IGF2BP3: variants seen among roughly 807,000 people sequenced by gnomAD.
IGF2BP3 encodes insulin like growth factor 2 mRNA binding protein 3, also known as insulin-like growth factor 2 mRNA-binding protein 3.
A neutral mutation model predicts 73.8 loss-of-function variants in IGF2BP3; 9 were observed. That is an observed-to-expected ratio of 0.12 (90% CI 0.07 to 0.21). The LOEUF (loss-of-function observed/expected upper bound fraction) is 0.21, where lower values mean the gene tolerates loss of function less well. Among genes scored for constraint, IGF2BP3 ranks in the 10% least tolerant of loss-of-function variants. The pLI is 1.00. For synonymous variants in IGF2BP3, 258 were observed against 256.7 expected (o/e 1.01, Z -0.05); for missense variants, 542 against 714.0 (o/e 0.76, Z 2.75).
intron 2 of IGF2BP3, among the ~76,000 whole-genome samples, chr7:23,420,385 G>T (rs1787311463): frequency 6.6e-6 from 1 of 152,118 alleles, no homozygotes; most frequent in South Asian, 2.1e-4. Flanking sequence ...GACTGAGATG[G>T]AAGGATTGCT....
chr7:23,401,281 G>C (rs533355186), intron 3 of IGF2BP3, among the ~76,000 whole-genome samples: 1 of 152,164 alleles, frequency 6.6e-6, no homozygotes, highest in Non-Finnish European at 1.5e-5. Context: ...CAGAGGAACA[G>C]TTGCGGGCCC....
chr7:23,351,284 C>T lies in IGF2BP3; in HGVS notation c.683+21G>A, dbSNP rs777791269. ...CAAGGGGAATTCTCATGAACACCCA[C>T]CACACACTCAGCATACTCACTTAGA... On this transcript the variant is annotated intron_variant, in intron 6 of 14. Coordinates refer to ENST00000258729, the MANE Select transcript of IGF2BP3 (RefSeq NM_006547.3). 6 of 1,611,916 alleles carry T rather than the reference C, an allele frequency of 3.7e-6. No individual in the cohort carries two copies. The East Asian group carries it at 6.7e-5, about 18-fold the overall frequency.
chr7:23,421,458 TGAG>T (rs1787344818), intron 2 of IGF2BP3, among the ~76,000 whole-genome samples: 1 of 151,856 alleles, frequency 6.6e-6, no homozygotes, highest in Non-Finnish European at 1.5e-5. Context: ...TTTGGGAGGC[TGAG>T]GTGGGCGGAT....
chr7:23,376,415 A>C (rs1227345185), intron 3 of IGF2BP3, among the ~76,000 whole-genome samples: 2 of 151,696 alleles, frequency 1.3e-5, no homozygotes, highest in South Asian at 2.1e-4. Flanking sequence ...GGCACCTGTA[A>C]TCCCAGCTAC....
intron 3 of IGF2BP3, among the ~76,000 whole-genome samples, chr7:23,383,097 G>A (rs1785964267): frequency 6.6e-6 from 1 of 151,782 alleles, no homozygotes; most frequent in African/African-American, 2.4e-5. Context: ...CCTAAGCAAA[G>A]CCATGTGTGG....
At chr7:23,416,183 C>T (rs141646159) in intron 3 of IGF2BP3, 21 of 152,146 alleles carry the variant, frequency 1.4e-4, no homozygotes, top group African/African-American at 4.6e-4. Flanking sequence ...GGAGCTAGGA[C>T]ATAATTCCAA....
At chr7:23,368,857 A>T (rs1422869889) in intron 3 of IGF2BP3, among the ~76,000 whole-genome samples, 1 of 151,940 alleles carries the variant, frequency 6.6e-6, no homozygotes, top group Admixed American at 6.6e-5. Flanking sequence ...AGATGGCGCC[A>T]TTGCACTCCA....
At chr7:23,390,922 C>T (rs1340012118) in intron 3 of IGF2BP3, among the ~76,000 whole-genome samples, 1 of 151,452 alleles carries the variant, frequency 6.6e-6, no homozygotes, top group Non-Finnish European at 1.5e-5. Context: ...CCTCAGCCTC[C>T]TGAGTGGCTG....
intron 2 of IGF2BP3, among the ~76,000 whole-genome samples, chr7:23,446,646 T>C (rs116547496): frequency 0.016 from 2,435 of 152,240 alleles, 75 homozygotes; most frequent in African/African-American, 0.056. Context: ...GCAGTGACAG[T>C]TGCTGACAAG....
At chr7:23,423,383 G>A (rs1027342901) in intron 2 of IGF2BP3, among the ~76,000 whole-genome samples, 1 of 152,156 alleles carries the variant, frequency 6.6e-6, no homozygotes, top group African/African-American at 2.4e-5. Flanking sequence ...TTATATTTGG[G>A]TTTGATTCTA....
chr7:23,460,178 C>CA (rs757381858), intron 2 of IGF2BP3, among the ~76,000 whole-genome samples: 785 of 55,052 alleles, frequency 0.014, 10 homozygotes, highest in East Asian at 0.043. Context: ...GACCCTGCCT[C>CA]AAAAAAAAAA....
chr7:23,419,625 G>A (rs1178631233), intron 2 of IGF2BP3, among the ~76,000 whole-genome samples: 3 of 152,188 alleles, frequency 2.0e-5, no homozygotes, highest in African/African-American at 7.2e-5. Context: ...GCCAAGGCAG[G>A]TGGATCACTT....
At chr7:23,359,170 T>A (rs1785165021) in intron 5 of IGF2BP3, among the ~76,000 whole-genome samples, 1 of 152,254 alleles carries the variant, frequency 6.6e-6, no homozygotes, top group Non-Finnish European at 1.5e-5. Context: ...TGTGTCTACA[T>A]TCAGTTTGCT....
At chr7:23,351,023 CCTTT>C (rs1410747973) in intron 6 of IGF2BP3, among the ~76,000 whole-genome samples, 4 of 152,208 alleles carry the variant, frequency 2.6e-5, no homozygotes, top group Admixed American at 2.6e-4. Flanking sequence ...CTGGAAGCTG[CCTTT>C]CTGTCTTCCA....
chr7:23,344,360 C>T (rs1321833665), intron 8 of IGF2BP3, among the ~76,000 whole-genome samples: 1 of 152,188 alleles, frequency 6.6e-6, no homozygotes, highest in Non-Finnish European at 1.5e-5. Context: ...AAACACAAGC[C>T]AGAATTCCTG....
intron 2 of IGF2BP3, among the ~76,000 whole-genome samples, chr7:23,423,917 A>G (rs1456571748): frequency 6.6e-6 from 1 of 151,770 alleles, no homozygotes; most frequent in Admixed American, 6.6e-5. Context: ...CAGAAGTTCG[A>G]GACCAGCCTG....
chr7:23,313,177 T>C (rs772809229), intron 13 of IGF2BP3, among the ~76,000 whole-genome samples: 2 of 152,234 alleles, frequency 1.3e-5, no homozygotes, highest in African/African-American at 4.8e-5. Flanking sequence ...TAGAAACAGT[T>C]TGCTTTTTTT....
At chr7:23,432,703 T>C (rs760842002) in intron 2 of IGF2BP3, among the ~76,000 whole-genome samples, 1 of 151,920 alleles carries the variant, frequency 6.6e-6, no homozygotes, top group African/African-American at 2.4e-5. Flanking sequence ...GCAAACGGCA[T>C]GATCTCTGCC....
At chr7:23,467,918 C>T (rs1275946374) in intron 2 of IGF2BP3, 1 of 155,116 alleles carries the variant, frequency 6.4e-6, no homozygotes, top group Non-Finnish European at 1.4e-5. Context: ...ACCTGTAGAA[C>T]TTCGGAGTGA....
Sources: allele counts gnomAD v4.1 joint callset (sites outside exome capture counted in the v4.1 genomes callset), GRCh38; gene constraint gnomAD v4.1.1; transcripts MANE v1.5; gene names NCBI Gene and HGNC (gene_info 2026-07-23, HGNC 2026-07-21).